RAB40C: variants seen among roughly 807,000 people sequenced by gnomAD.
RAB40C encodes RAB40C, member RAS oncogene family, also known as ras-related protein Rab-40C.
In RAB40C, 8 loss-of-function variants were observed where a neutral mutation model predicts 28.1. The observed-to-expected ratio is 0.28, with a 90% CI of 0.17 to 0.51. RAB40C has a LOEUF of 0.51. Among genes scored for constraint, RAB40C ranks in the 20% least tolerant of loss-of-function variants. The pLI is 0.97. For missense variants in RAB40C, 288 were observed against 405.9 expected (o/e 0.71, Z 2.50); for synonymous variants, 201 against 171.7 (o/e 1.17, Z -1.34).
intron 1 of RAB40C, among the ~76,000 whole-genome samples, chr16:590,860 C>T (rs1280232251): frequency 6.9e-6 from 1 of 145,604 alleles, no homozygotes; most frequent in Non-Finnish European, 1.5e-5. Flanking sequence ...GGGAAGGTGT[C>T]GTGGGCCGGA....
At chr16:618,578 G>T (rs2036639245) in intron 3 of RAB40C, among the ~76,000 whole-genome samples, 1 of 152,130 alleles carries the variant, frequency 6.6e-6, no homozygotes, top group South Asian at 2.1e-4. Flanking sequence ...AGGTGTAGTG[G>T]GTGCACTCAG....
In RAB40C at chr16:627,328, C is replaced by A; in HGVS notation, c.566-14C>A. 6.2e-7 allele frequency: 1 copy of A among 1,608,354 alleles called. No homozygotes were observed. The highest frequency in any genetic ancestry group is 8.5e-7 in the Non-Finnish European group (1 of 1,177,124). On this transcript the variant is annotated splice_polypyrimidine_tract_variant and intron_variant, in intron 5 of 5. Coordinates refer to ENST00000248139, the MANE Select transcript of RAB40C (RefSeq NM_021168.5). ...CCCACAGCCCCATGGTCTGACACCC[C>A]CTCTGCCCCACAGTGTTCAGCCTGC... is the stretch of plus-strand genomic sequence containing the variant.
At chr16:608,602 G>T (rs2036415647) in intron 1 of RAB40C, among the ~76,000 whole-genome samples, 1 of 152,298 alleles carries the variant, frequency 6.6e-6, no homozygotes, top group Non-Finnish European at 1.5e-5. Context: ...GGCCATGGTG[G>T]CTCACGCCTG....
intron 4 of RAB40C, 70 bp downstream of exon 4, chr16:625,579 C>T (rs2036812556): frequency 6.7e-7 from 1 of 1,484,604 alleles, no homozygotes; most frequent in Admixed American, 1.7e-5. Flanking sequence ...CCCGGGTAGG[C>T]TCTGGATTCC....
rs1567193376 is a variant in RAB40C, at chr16:620,727, CGCCGACGG to C, written c.264+2470_264+2477del. Among the ~76,000 whole-genome samples, 275 of 74,114 alleles carry C rather than the reference CGCCGACGG, an allele frequency of 3.7e-3. 45 individuals are homozygous for C. The highest frequency in any genetic ancestry group is 0.015 in the African/African-American group (234 of 16,098). The allele number at this position is 74,114 out of a possible 152,430, so 48.6% of individuals were successfully genotyped here. ...CTCCACCGCGGGCATCCCAGCCCCCCGCCGACGGGCTCCACCGCGGGCATCCCAGCCCC... is the reference window on the plus strand; with the variant it reads ...CTCCACCGCGGGCATCCCAGCCCCCCGCTCCACCGCGGGCATCCCAGCCCC... On this transcript the variant is annotated intron_variant, in intron 3 of 5. Transcript: ENST00000248139.
At chr16:607,499 C>G (rs2036384657) in intron 1 of RAB40C, among the ~76,000 whole-genome samples, 1 of 121,854 alleles carries the variant, frequency 8.2e-6, no homozygotes, top group Non-Finnish European at 1.7e-5. Flanking sequence ...GTGAAACTGT[C>G]TCAAAAAAAA....
chr16:606,160 T>C (rs2151067719), intron 1 of RAB40C, among the ~76,000 whole-genome samples: 1 of 147,982 alleles, frequency 6.8e-6, no homozygotes, highest in South Asian at 2.2e-4. Context: ...GTCAAGGTGT[T>C]GGCTGACACA....
intron 3 of RAB40C, chr16:624,835 G>C (rs1213825447): frequency 2.0e-6 from 2 of 985,342 alleles, no homozygotes; most frequent in African/African-American, 1.7e-5. Context: ...AGCCATGACT[G>C]TCACTGCCGA....
chr16:609,151 A>C (rs777414099), intron 1 of RAB40C, among the ~76,000 whole-genome samples: 1 of 152,062 alleles, frequency 6.6e-6, no homozygotes, highest in African/African-American at 2.4e-5. Flanking sequence ...GATAGGTGAG[A>C]GAGGTTTGAT....
At chr16:597,740 C>T (rs2036159276) in intron 1 of RAB40C, among the ~76,000 whole-genome samples, 1 of 151,726 alleles carries the variant, frequency 6.6e-6, no homozygotes, top group Non-Finnish European at 1.5e-5. Context: ...CCGCCCGCCT[C>T]AGCTTCCCAA....
chr16:600,193 T>C (rs1254207134), intron 1 of RAB40C, among the ~76,000 whole-genome samples: 1 of 152,220 alleles, frequency 6.6e-6, no homozygotes, highest in East Asian at 1.9e-4. Flanking sequence ...TTCCCGGAGC[T>C]CCCTGTGTCC....
intron 5 of RAB40C, 105 bp from the exon 6 acceptor site, chr16:627,237 A>T: frequency 8.7e-7 from 1 of 1,151,772 alleles, no homozygotes; most frequent in Non-Finnish European, 1.2e-6. Flanking sequence ...GAACACCTCT[A>T]GGAGTGTGGA....
chr16:617,571 G>A (rs1377465597), intron 2 of RAB40C, among the ~76,000 whole-genome samples: 1 of 152,160 alleles, frequency 6.6e-6, no homozygotes, highest in Non-Finnish European at 1.5e-5. Flanking sequence ...AGCGGGGTGT[G>A]GTGGCTCACG....
intron 3 of RAB40C, among the ~76,000 whole-genome samples, chr16:623,179 G>A (rs1212718603): frequency 3.9e-5 from 6 of 152,216 alleles, no homozygotes; most frequent in African/African-American, 1.2e-4. Flanking sequence ...CCCATCAGCC[G>A]GGAGGCGGGC....
chr16:619,319 C>G (rs1365517102), intron 3 of RAB40C, among the ~76,000 whole-genome samples: 1 of 150,726 alleles, frequency 6.6e-6, no homozygotes, highest in African/African-American at 2.4e-5. Context: ...AGTGGGTGCA[C>G]TCAGGGCCAT....
intron 1 of RAB40C, among the ~76,000 whole-genome samples, chr16:611,435 C>T (rs1225855586): frequency 6.6e-6 from 1 of 152,214 alleles, no homozygotes; most frequent in African/African-American, 2.4e-5. Context: ...CTCAGGTCAG[C>T]CTCATGGGGG....
chr16:604,868 T>C (rs1168839490), intron 1 of RAB40C, among the ~76,000 whole-genome samples: 1 of 152,210 alleles, frequency 6.6e-6, no homozygotes, highest in Non-Finnish European at 1.5e-5. Context: ...GAGACCAGCC[T>C]GGCCAACATG....
At chr16:598,960 G>T (rs1278772097) in intron 1 of RAB40C, among the ~76,000 whole-genome samples, 2 of 152,202 alleles carry the variant, frequency 1.3e-5, no homozygotes, top group Non-Finnish European at 2.9e-5. Context: ...GCCCGGGGCC[G>T]GCGGCTGCTG....
Position 617,274 on chromosome 16 carries a change from T to C in RAB40C, c.203+6T>C, listed in dbSNP as rs1162034113. The C allele has an allele frequency of 1.2e-6, 2 of 1,613,966 alleles. No homozygotes were observed. The highest frequency in any genetic ancestry group is 1.7e-6 in the Non-Finnish European group (2 of 1,179,994). On this transcript the variant is annotated splice_donor_region_variant and intron_variant, in intron 2 of 5. Coordinates refer to ENST00000248139, the MANE Select transcript of RAB40C (RefSeq NM_021168.5). ...CGCGTGAAGCTGGAGCTCTGGTGAG[T>C]TGGGGCTGCGGCACTTCAGTTCCTG...
Sources: gnomAD v4.1 joint callset for allele counts (sites outside exome capture counted in the v4.1 genomes callset) on GRCh38, gnomAD v4.1.1 for gene constraint, MANE v1.5 for transcripts, NCBI Gene and HGNC (gene_info 2026-07-23, HGNC 2026-07-21) for gene names.